MEF2A: variants seen among roughly 807,000 people sequenced by gnomAD.
The protein encoded by MEF2A is myocyte enhancer factor 2A.
MEF2A carries 28 observed loss-of-function variants against 55.8 expected under a neutral mutation model. The observed-to-expected ratio is 0.50, with a 90% CI of 0.37 to 0.69. The LOEUF is 0.69. Ranked by LOEUF, MEF2A falls within the 30% of genes least tolerant of loss-of-function variation. MEF2A has a pLI of 0.00. For missense variants in MEF2A, 528 were observed against 626.2 expected (o/e 0.84, Z 1.67); for synonymous variants, 239 against 227.1 (o/e 1.05, Z -0.47).
At chr15:99,648,552 T>A (rs1282186337) in intron 4 of MEF2A, among the ~76,000 whole-genome samples, 2 of 152,138 alleles carry the variant, frequency 1.3e-5, no homozygotes, top group Non-Finnish European at 1.5e-5. Context: ...ACCAATATAC[T>A]TAAGAGTTTG....
intron 1 of MEF2A, among the ~76,000 whole-genome samples, chr15:99,586,568 A>G (rs975980511): frequency 1.3e-5 from 2 of 152,052 alleles, no homozygotes; most frequent in Admixed American, 1.3e-4. Context: ...TATATTCTAC[A>G]TAGAAGTCTT....
In MEF2A at chr15:99,714,406, C is replaced by T. The variant is rs1327834366; in HGVS notation, c.*1635C>T. The T allele has an allele frequency of 2.0e-5, 3 of 151,976 alleles. No homozygotes were observed. The highest frequency in any genetic ancestry group is 4.4e-5 in the Non-Finnish European group (3 of 67,964). The allele number at this position is 151,976 out of a possible 1,614,324, so 9.4% of individuals were successfully genotyped here. A position where few individuals can be genotyped will look rare whatever the true frequency, so the allele number is the denominator to read the frequency against. ...AATCATGGGGAAAGGGATCTTTTTT[C>T]CTTGACCCTCTGAAAACAGAACGAT... On this transcript the variant is annotated 3_prime_UTR_variant, in exon 12 of 12. Transcript: ENST00000557942.
At chr15:99,690,657 G>A (rs1467225673) in intron 8 of MEF2A, 9 of 625,802 alleles carry the variant, frequency 1.4e-5, no homozygotes, top group Admixed American at 2.1e-5. Context: ...AAATACGAAC[G>A]TGGTTGGAAC....
chr15:99,623,374 G>A (rs1051654738), intron 2 of MEF2A, among the ~76,000 whole-genome samples: 4 of 152,078 alleles, frequency 2.6e-5, no homozygotes, highest in East Asian at 1.9e-4. Flanking sequence ...ATTGGTGTAC[G>A]GATATCTGAG....
intron 2 of MEF2A, among the ~76,000 whole-genome samples, chr15:99,617,908 A>G (rs2153230547): frequency 6.6e-6 from 1 of 152,228 alleles, no homozygotes; most frequent in Non-Finnish European, 1.5e-5. Flanking sequence ...TCGTAGTTGA[A>G]CCCAAAGGAA....
chr15:99,707,205 A>C (rs1452521952), intron 10 of MEF2A, among the ~76,000 whole-genome samples: 1 of 152,156 alleles, frequency 6.6e-6, no homozygotes, highest in East Asian at 1.9e-4. Context: ...ATACAGTATC[A>C]CGCTTTTCCA....
At chr15:99,579,610 G>A (rs977482880) in intron 1 of MEF2A, among the ~76,000 whole-genome samples, 3 of 152,100 alleles carry the variant, frequency 2.0e-5, no homozygotes, top group African/African-American at 7.2e-5. Flanking sequence ...TGGCCAGCCT[G>A]GTCTCGGACT....
chr15:99,663,869 A>G (rs1282103593), intron 4 of MEF2A, among the ~76,000 whole-genome samples: 1 of 152,172 alleles, frequency 6.6e-6, no homozygotes, highest in Non-Finnish European at 1.5e-5. Context: ...TAGTTTCACC[A>G]AGAGGTTTAG....
At chr15:99,667,019 A>G (rs2049904230) in intron 4 of MEF2A, among the ~76,000 whole-genome samples, 2 of 152,360 alleles carry the variant, frequency 1.3e-5, no homozygotes, top group South Asian at 4.1e-4. Flanking sequence ...TATAACGAAT[A>G]CAGATTAATC....
intron 4 of MEF2A, among the ~76,000 whole-genome samples, chr15:99,647,878 T>C (rs953364759): frequency 3.9e-5 from 6 of 152,194 alleles, no homozygotes; most frequent in African/African-American, 1.2e-4. Context: ...TAATTCACAC[T>C]TCTTGTATAT....
chr15:99,595,141 T>G (rs906735184), intron 1 of MEF2A, among the ~76,000 whole-genome samples: 1 of 152,184 alleles, frequency 6.6e-6, no homozygotes, highest in African/African-American at 2.4e-5. Flanking sequence ...AAGTTGCTTC[T>G]TTAGTATTTG....
In MEF2A at chr15:99,697,571, AGAAAT is replaced by A. The variant is rs139713470; in HGVS notation, c.859-5786_859-5782del. On this transcript the variant is annotated intron_variant, in intron 8 of 11. Transcript: ENST00000557942. ...TTGAAGACTGCAAAACACTGATGAA[AGAAAT>A]GAAAGAAGACCTAGATGAATAGATA... 9.9e-3 allele frequency among the ~76,000 whole-genome samples: 1,508 copies of A among 152,324 alleles called. 22 individuals are homozygous for A. Among genetic ancestry groups the A allele is most frequent in the African/African-American group, 0.034 (1,425 of 41,560 alleles).
chr15:99,716,159 CTGCTT>C lies in MEF2A; in HGVS notation c.*3393_*3397del, dbSNP rs1226756853. ...CTTCACTTTGCTGTGCAAGAAGACACTGCTTTGCTATATTTAAAATGGCTTTTTTA... is the reference window on the plus strand; with the variant it reads ...CTTCACTTTGCTGTGCAAGAAGACACTGCTATATTTAAAATGGCTTTTTTA... On this transcript the variant is annotated 3_prime_UTR_variant, in exon 12 of 12. Coordinates refer to ENST00000557942, the MANE Select transcript of MEF2A (RefSeq NM_001319206.4). 1.2e-5 allele frequency: 2 copies of C among 169,316 alleles called. No homozygotes were observed. The highest frequency in any genetic ancestry group is 4.8e-5 in the African/African-American group (2 of 41,880). The allele number at this position is 169,316 out of a possible 1,614,324, so 10.5% of individuals were successfully genotyped here. A position where few individuals can be genotyped will look rare whatever the true frequency, so the allele number is the denominator to read the frequency against.
chr15:99,642,406 G>C lies in MEF2A; in HGVS notation c.55-3155G>C, dbSNP rs144039829. Among the ~76,000 whole-genome samples the C allele has an allele frequency of 3.3e-3, 506 of 152,022 alleles. 3 individuals are homozygous for C. Among genetic ancestry groups the C allele is most frequent in the African/African-American group, 0.011 (469 of 41,476 alleles). On this transcript the variant is annotated intron_variant, in intron 3 of 11. Transcript: ENST00000557942. ...AATAAATATTTTTCCTTTGCTAAAT[G>C]CTCTGGGCTTTTTTGGTATCTTCAT... is the stretch of plus-strand genomic sequence containing the variant.
chr15:99,613,881 T>C (rs1000234605), intron 2 of MEF2A, among the ~76,000 whole-genome samples: 5 of 152,262 alleles, frequency 3.3e-5, no homozygotes, highest in Non-Finnish European at 7.3e-5. Flanking sequence ...GAAATTGTTT[T>C]AATATTCTAC....
At chr15:99,624,546 T>C (rs1250171049) in intron 2 of MEF2A, among the ~76,000 whole-genome samples, 2 of 152,216 alleles carry the variant, frequency 1.3e-5, no homozygotes, top group African/African-American at 4.8e-5. Flanking sequence ...TGTCTGTCTT[T>C]ATGCCAGTAC....
intron 5 of MEF2A, among the ~76,000 whole-genome samples, chr15:99,671,945 A>G (rs1490366058): frequency 1.3e-5 from 2 of 152,316 alleles, no homozygotes; most frequent in South Asian, 2.1e-4. Flanking sequence ...TTCTCCATCT[A>G]TAGTGAGTTG....
intron 8 of MEF2A, among the ~76,000 whole-genome samples, chr15:99,700,110 A>G (rs1362979067): frequency 1.5e-5 from 2 of 136,186 alleles, no homozygotes; most frequent in Non-Finnish European, 3.1e-5. Context: ...TGCCCGCCTC[A>G]GCCTCCCGAA....
rs147830757 is a variant in MEF2A at position 99,617,093 on chromosome 15, A to G, written c.-142-15885A>G. ...ACGAGAATTGCTTGCTCTTCTTTGA[A>G]TGCTGTCTTCTGTCACCCAGCACTG... On this transcript the variant is annotated intron_variant, in intron 2 of 11. Transcript: ENST00000557942. Among the ~76,000 whole-genome samples, 553 of 152,292 alleles carry G rather than the reference A, an allele frequency of 3.6e-3. 4 individuals carry two copies. The highest frequency in any genetic ancestry group is 0.013 in the African/African-American group (534 of 41,550).
Sources: allele counts gnomAD v4.1 joint callset (sites outside exome capture counted in the v4.1 genomes callset), GRCh38; gene constraint gnomAD v4.1.1; transcripts MANE v1.5; gene names NCBI Gene and HGNC (gene_info 2026-07-23, HGNC 2026-07-21).